LOC128092252: variants seen among roughly 807,000 people sequenced by gnomAD.
chr15:50,668,207 G>C, the LOC128092252 span, among the ~76,000 whole-genome samples: 1 of 152,126 alleles, frequency 6.6e-6, no homozygotes, highest in African/African-American at 2.4e-5. Flanking sequence ...TCTAACATTA[G>C]AATAAAGGAA....
At chr15:50,655,135 T>TAAA in the LOC128092252 span, among the ~76,000 whole-genome samples, 94 of 141,406 alleles carry the variant, frequency 6.6e-4, no homozygotes, top group African/African-American at 1.1e-3. Context: ...AAAAGTTAAT[T>TAAA]AAAAAAAAAA....
the LOC128092252 span, among the ~76,000 whole-genome samples, chr15:50,655,921 C>G: frequency 3.3e-5 from 5 of 150,578 alleles, no homozygotes; most frequent in East Asian, 9.8e-4. Context: ...ACCTGGGAGG[C>G]AAAGGTTGCT....
At chr15:50,685,106 C>G in the LOC128092252 span, among the ~76,000 whole-genome samples, 4 of 152,216 alleles carry the variant, frequency 2.6e-5, no homozygotes, top group Non-Finnish European at 4.4e-5. Flanking sequence ...ATGGTTGAAG[C>G]TGTTGAAACT....
the LOC128092252 span, among the ~76,000 whole-genome samples, chr15:50,685,356 C>T: frequency 1.1e-4 from 17 of 152,336 alleles, no homozygotes; most frequent in South Asian, 3.3e-3. Context: ...ACTCGGGAGC[C>T]TGAGGCAGGA....
the LOC128092252 span, among the ~76,000 whole-genome samples, chr15:50,682,622 A>G: frequency 3.9e-5 from 6 of 152,144 alleles, no homozygotes; most frequent in African/African-American, 1.4e-4. Flanking sequence ...ATCCAAAATT[A>G]ACTGTACCAA....
At chr15:50,655,858 T>C in the LOC128092252 span, among the ~76,000 whole-genome samples, 1 of 151,792 alleles carries the variant, frequency 6.6e-6, no homozygotes, top group South Asian at 2.1e-4. Flanking sequence ...GGCATGGTGG[T>C]GTGTGCCTGT....
chr15:50,655,041 C>A, the LOC128092252 span, among the ~76,000 whole-genome samples: 4 of 127,000 alleles, frequency 3.1e-5, no homozygotes, highest in African/African-American at 2.9e-5. Flanking sequence ...ACTGGATGGA[C>A]AAAACAGCAA....
the LOC128092252 span, among the ~76,000 whole-genome samples, chr15:50,650,643 C>T: frequency 2.0e-5 from 3 of 151,000 alleles, no homozygotes; most frequent in African/African-American, 7.3e-5. Context: ...TGTGGTGAGC[C>T]GAGATCGTGC....
the LOC128092252 span, among the ~76,000 whole-genome samples, chr15:50,660,822 A>T: frequency 6.6e-6 from 1 of 152,204 alleles, no homozygotes; most frequent in South Asian, 2.1e-4. Context: ...TAAGGGGGGA[A>T]AATCTTAAAT....
chr15:50,684,240 C>T, the LOC128092252 span, among the ~76,000 whole-genome samples: 1 of 151,774 alleles, frequency 6.6e-6, no homozygotes, highest in African/African-American at 2.4e-5. Context: ...GCAACCTCCA[C>T]CTCCCAGGTT....
At chr15:50,675,089 T>C in the LOC128092252 span, among the ~76,000 whole-genome samples, 1 of 152,202 alleles carries the variant, frequency 6.6e-6, no homozygotes, top group Admixed American at 6.5e-5. Flanking sequence ...ATGCCTGTTA[T>C]CCCAACACTT....
the LOC128092252 span, among the ~76,000 whole-genome samples, chr15:50,655,304 G>C: frequency 3.3e-5 from 5 of 151,504 alleles, no homozygotes; most frequent in Admixed American, 3.3e-4. Context: ...ATGGTGGCAT[G>C]CGTCTGTAAT....
chr15:50,653,549 T>C, the LOC128092252 span, among the ~76,000 whole-genome samples: 1 of 152,184 alleles, frequency 6.6e-6, no homozygotes, highest in African/African-American at 2.4e-5. Context: ...AACACGAAGC[T>C]GTGATCCTTG....
the LOC128092252 span, among the ~76,000 whole-genome samples, chr15:50,683,494 G>C: frequency 6.6e-6 from 1 of 151,622 alleles, no homozygotes; most frequent in Non-Finnish European, 1.5e-5. Context: ...CAACACTTTG[G>C]GAGGCCGAGG....
At chr15:50,662,010 G>A in the LOC128092252 span, among the ~76,000 whole-genome samples, 1 of 152,048 alleles carries the variant, frequency 6.6e-6, no homozygotes, top group Non-Finnish European at 1.5e-5. Flanking sequence ...CTCAGGTCAG[G>A]GGTTCAAGAC....
the LOC128092252 span, among the ~76,000 whole-genome samples, chr15:50,676,534 C>T: frequency 7.2e-5 from 11 of 151,844 alleles, no homozygotes; most frequent in Non-Finnish European, 1.6e-4. Flanking sequence ...GCCTGGTCAA[C>T]ACAGCGAGAC....
the LOC128092252 span, among the ~76,000 whole-genome samples, chr15:50,679,501 GTATATATATAATATATATATA>G: frequency 0.017 from 1,443 of 84,612 alleles, 78 homozygotes; most frequent in African/African-American, 0.06. Flanking sequence ...ATATATATGT[GTATATATATAATATATATATA>G]TATATATATA....
At chr15:50,658,435 T>C in the LOC128092252 span, among the ~76,000 whole-genome samples, 2 of 151,848 alleles carry the variant, frequency 1.3e-5, no homozygotes, top group East Asian at 1.9e-4. Context: ...CTAGGGGTAG[T>C]GGTGCAGGCC....
chr15:50,655,457 A>C, the LOC128092252 span, among the ~76,000 whole-genome samples: 5 of 143,034 alleles, frequency 3.5e-5, no homozygotes, highest in African/African-American at 1.2e-4. Context: ...ACAAAAAAAC[A>C]AAAAACCTTC....
Sources: allele counts gnomAD v4.1 joint callset (sites outside exome capture counted in the v4.1 genomes callset), GRCh38; gene constraint gnomAD v4.1.1; transcripts MANE v1.5.